Variants in UNC5D observed in about 807,000 individuals in gnomAD.
UNC5D encodes the protein netrin receptor UNC5D.
In UNC5D, 39 loss-of-function variants were observed where a neutral mutation model predicts 105.4. That is an observed-to-expected ratio of 0.37 (90% CI 0.29 to 0.48). The LOEUF is 0.48. Among genes scored for constraint, UNC5D ranks in the 20% least tolerant of loss-of-function variants. The pLI is 0.98. For synonymous variants in UNC5D, 452 were observed against 450.4 expected (o/e 1.00, Z -0.04); for missense variants, 991 against 1,202.4 (o/e 0.82, Z 2.60).
intron 1 of UNC5D, among the ~76,000 whole-genome samples, chr8:35,242,315 T>C (rs1802853510): frequency 6.6e-6 from 1 of 152,028 alleles, no homozygotes; most frequent in Admixed American, 6.6e-5. Context: ...TCACAGACAT[T>C]TGGGAAGGTA....
chr8:35,572,765 A>G lies in UNC5D; in HGVS notation c.466+4524A>G, dbSNP rs545846136. Among the ~76,000 whole-genome samples the G allele has an allele frequency of 1.7e-4, 26 of 151,550 alleles. No individual in the cohort carries two copies. In the South Asian group the frequency reaches 4.4e-3, roughly 26 times the overall value. On this transcript the variant is annotated intron_variant, in intron 3 of 16. Coordinates refer to ENST00000404895, the MANE Select transcript of UNC5D (RefSeq NM_080872.4). ...AAATGCTGGTGATTCAGTTAAAATA[A>G]TTCAGTATGGCTGGTATGAGGCCTG...
intron 8 of UNC5D, among the ~76,000 whole-genome samples, chr8:35,712,174 G>A (rs1222892277): frequency 6.6e-6 from 1 of 152,172 alleles, no homozygotes; most frequent in East Asian, 1.9e-4. Flanking sequence ...GGGAGGCTGA[G>A]GCAGAAGAAT....
At chr8:35,463,450 TG>T (rs754921770) in intron 1 of UNC5D, among the ~76,000 whole-genome samples, 21 of 152,160 alleles carry the variant, frequency 1.4e-4, no homozygotes, top group Non-Finnish European at 2.8e-4. Context: ...TACCTGAGTT[TG>T]CCCCTTCCGC....
intron 4 of UNC5D, among the ~76,000 whole-genome samples, chr8:35,640,428 C>T (rs1822641227): frequency 6.6e-6 from 1 of 152,106 alleles, no homozygotes; most frequent in South Asian, 2.1e-4. Flanking sequence ...AATAATGTAG[C>T]TTGTGGTCAA....
At chr8:35,329,687 A>G (rs775241887) in intron 1 of UNC5D, among the ~76,000 whole-genome samples, 1 of 152,146 alleles carries the variant, frequency 6.6e-6, no homozygotes, top group Non-Finnish European at 1.5e-5. Context: ...ATGATTTTAA[A>G]AAGTCTGTAA....
chr8:35,591,254 C>CAA (rs139945594), intron 3 of UNC5D, among the ~76,000 whole-genome samples: 1,920 of 147,018 alleles, frequency 0.013, 37 homozygotes, highest in African/African-American at 0.045. Context: ...ATGCTTTTTA[C>CAA]AAAAAAAAAG....
At chr8:35,418,697 A>G (rs1307627705) in intron 1 of UNC5D, among the ~76,000 whole-genome samples, 1 of 152,206 alleles carries the variant, frequency 6.6e-6, no homozygotes, top group African/African-American at 2.4e-5. Context: ...TGGCCACTTC[A>G]TATCTCATCA....
chr8:35,786,772 C>A (rs1380807225), intron 16 of UNC5D, among the ~76,000 whole-genome samples: 1 of 152,060 alleles, frequency 6.6e-6, no homozygotes, highest in African/African-American at 2.4e-5. Context: ...TCTTTCAAAT[C>A]ACTACTAGCT....
chr8:35,466,811 G>A lies in UNC5D; in HGVS notation c.104-82481G>A, dbSNP rs533836214. 7.9e-5 allele frequency among the ~76,000 whole-genome samples: 12 copies of A among 152,228 alleles called. No homozygotes were observed. The South Asian group carries it at 2.5e-3, about 32-fold the overall frequency. On this transcript the variant is annotated intron_variant, in intron 1 of 16. Transcript: ENST00000404895. The stretch of plus-strand genomic sequence containing the variant: ...AATAAAAACAATCTCTGCCTCATAG[G>A]ACTTTTCTAGACAGCACAACTGCAT...
At chr8:35,518,715 T>G (rs1414749833) in intron 1 of UNC5D, among the ~76,000 whole-genome samples, 1 of 152,168 alleles carries the variant, frequency 6.6e-6, no homozygotes, top group African/African-American at 2.4e-5. Context: ...GGAAGAACAG[T>G]TATTTAAATA....
At chr8:35,777,208 C>T (rs773967215) in intron 16 of UNC5D, among the ~76,000 whole-genome samples, 5 of 152,056 alleles carry the variant, frequency 3.3e-5, no homozygotes, top group East Asian at 1.9e-4. Flanking sequence ...GAGCCGAGAT[C>T]GCATCACTGC....
At chr8:35,759,131 A>T (rs992184972) in intron 13 of UNC5D, among the ~76,000 whole-genome samples, 189 bp from the exon 14 acceptor site, 1 of 152,192 alleles carries the variant, frequency 6.6e-6, no homozygotes, top group African/African-American at 2.4e-5. Flanking sequence ...AACACTTGTC[A>T]CTCAGCAGTT....
chr8:35,660,224 A>G (rs1824026374), intron 4 of UNC5D, among the ~76,000 whole-genome samples: 1 of 152,236 alleles, frequency 6.6e-6, no homozygotes, highest in Non-Finnish European at 1.5e-5. Context: ...GAACAGAGAA[A>G]AGGTGAAACA....
intron 3 of UNC5D, among the ~76,000 whole-genome samples, chr8:35,590,290 C>T (rs933077048): frequency 4.6e-5 from 7 of 152,056 alleles, no homozygotes; most frequent in Admixed American, 3.9e-4. Flanking sequence ...CAATCAATCC[C>T]TTAAGGGATC....
At chr8:35,493,780 C>CT (rs1004927379) in intron 1 of UNC5D, among the ~76,000 whole-genome samples, 3 of 151,994 alleles carry the variant, frequency 2.0e-5, no homozygotes, top group African/African-American at 7.2e-5. Context: ...TCAATGGAGA[C>CT]TTTCTTTTCT....
intron 1 of UNC5D, among the ~76,000 whole-genome samples, chr8:35,341,580 T>G (rs1768570256): frequency 6.6e-6 from 1 of 152,064 alleles, no homozygotes; most frequent in Admixed American, 6.6e-5. Flanking sequence ...TACTTTTTAG[T>G]CTGTCGTCTT....
At chr8:35,681,882 T>C (rs4739421) in intron 4 of UNC5D, among the ~76,000 whole-genome samples, 3,678 of 152,242 alleles carry the variant, frequency 0.024, 154 homozygotes, top group East Asian at 0.098. Context: ...AGGATCCTAA[T>C]ATGTTTTCCC....
chr8:35,535,322 C>T (rs1382458250), intron 1 of UNC5D, among the ~76,000 whole-genome samples: 4 of 152,030 alleles, frequency 2.6e-5, no homozygotes, highest in Non-Finnish European at 2.9e-5. Context: ...TTCTCCCCGT[C>T]GTTCTTCTTG....
intron 1 of UNC5D, among the ~76,000 whole-genome samples, chr8:35,509,007 T>C (rs570809210): frequency 2.6e-5 from 4 of 152,334 alleles, no homozygotes; most frequent in East Asian, 1.9e-4. Context: ...CTTATTTTCT[T>C]TGATTCTTGC....
Sources: allele counts gnomAD v4.1 joint callset (sites outside exome capture counted in the v4.1 genomes callset), GRCh38; gene constraint gnomAD v4.1.1; transcripts MANE v1.5; gene names NCBI Gene and HGNC (gene_info 2026-07-23, HGNC 2026-07-21).